ARHGAP44: variants seen among roughly 807,000 people sequenced by gnomAD.
ARHGAP44 encodes Rho GTPase activating protein 44.
A neutral mutation model predicts 106.8 loss-of-function variants in ARHGAP44; 43 were observed. That is an observed-to-expected ratio of 0.40 (90% confidence interval 0.32 to 0.52). The LOEUF (loss-of-function observed/expected upper bound fraction) is 0.52. Ranked by LOEUF, ARHGAP44 falls within the 20% of genes least tolerant of loss-of-function variation. ARHGAP44 has a pLI of 0.48. For missense variants in ARHGAP44, 866 were observed against 1,050.5 expected (o/e 0.82, Z 2.43); for synonymous variants, 439 against 410.3 (o/e 1.07, Z -0.85).
chr17:12,975,776 T>A (rs56873939), intron 18 of ARHGAP44, among the ~76,000 whole-genome samples: 1 of 118,364 alleles, frequency 8.4e-6, no homozygotes, highest in Non-Finnish European at 1.6e-5. Context: ...CCAGCCTGGG[T>A]GACAGCGTGA....
chr17:12,973,712 C>T (rs1057047332), intron 17 of ARHGAP44: 2 of 481,730 alleles, frequency 4.2e-6, no homozygotes, highest in Non-Finnish European at 7.4e-6. Context: ...CCTGCCCCCC[C>T]AGTTAGGCCA....
At chr17:12,841,620 ACACACACACACACACAC>A (rs1384882662) in intron 1 of ARHGAP44, among the ~76,000 whole-genome samples, 9 of 145,672 alleles carry the variant, frequency 6.2e-5, no homozygotes, top group Admixed American at 2.0e-4. Flanking sequence ...ACACACACAC[ACACACACACACACACAC>A]ACAAACAAAC....
intron 9 of ARHGAP44, 132 bp from the exon 10 acceptor site, chr17:12,943,937 A>C: frequency 7.7e-7 from 1 of 1,300,056 alleles, no homozygotes; most frequent in Non-Finnish European, 1.0e-6. Flanking sequence ...TTAAAACCAC[A>C]GAATGGAGGC....
chr17:12,888,057 T>A (rs2036933534), intron 1 of ARHGAP44, among the ~76,000 whole-genome samples: 4 of 152,086 alleles, frequency 2.6e-5, no homozygotes. Flanking sequence ...TTCAAAGAAC[T>A]CGCTCTTTGA....
At chr17:12,959,681 C>T (rs569161840) in intron 16 of ARHGAP44, among the ~76,000 whole-genome samples, 3 of 152,328 alleles carry the variant, frequency 2.0e-5, no homozygotes, top group African/African-American at 7.2e-5. Context: ...TCCACGAATA[C>T]CTCTTACAGG....
chr17:12,838,771 A>T (rs188788510), intron 1 of ARHGAP44, among the ~76,000 whole-genome samples: 176 of 152,272 alleles, frequency 1.2e-3, no homozygotes, highest in Admixed American at 0.011. Context: ...TCCTGGGTTC[A>T]AGCGATTCTC....
At chr17:12,806,195 G>GT (rs1224858204) in intron 1 of ARHGAP44, among the ~76,000 whole-genome samples, 1 of 152,148 alleles carries the variant, frequency 6.6e-6, no homozygotes, top group Non-Finnish European at 1.5e-5. Flanking sequence ...GGTAAATGAG[G>GT]TGCTCATGGC....
chr17:12,979,220 A>G (rs2039770945), intron 18 of ARHGAP44, among the ~76,000 whole-genome samples: 1 of 152,202 alleles, frequency 6.6e-6, no homozygotes. Flanking sequence ...AGTAATATCT[A>G]CCATCAGCGT....
At chr17:12,948,628 C>T (rs1462887953) in intron 10 of ARHGAP44, among the ~76,000 whole-genome samples, 1 of 151,978 alleles carries the variant, frequency 6.6e-6, no homozygotes, top group Non-Finnish European at 1.5e-5. Context: ...CAAGATCGGG[C>T]CGCTGCACTC....
rs1210317885 is a variant in ARHGAP44, at chr17:12,958,684, A to G, written c.1343-33A>G. 2 of 1,604,350 alleles carry G rather than the reference A, an allele frequency of 1.2e-6. No homozygotes were observed. The highest frequency in any genetic ancestry group is 1.3e-5 in the African/African-American group (1 of 74,746). ...CCCAGGAAGGGTGTGGCAGACCAAG[A>G]GTTCACATGTACCAATTCTTTCTTC... On this transcript the variant is annotated intron_variant, in intron 15 of 20. Transcript: ENST00000379672. The surrounding 1 kb of genome is among the most constrained non-coding windows in gnomAD (Gnocchi z 4.1).
chr17:12,824,942 C>T (rs2150802463), intron 1 of ARHGAP44, among the ~76,000 whole-genome samples: 1 of 152,034 alleles, frequency 6.6e-6, no homozygotes, highest in African/African-American at 2.4e-5. Flanking sequence ...CAGTTTAGGT[C>T]AAATTCTCTT....
At chr17:12,924,521 C>T (rs1327593699) in intron 6 of ARHGAP44, among the ~76,000 whole-genome samples, 1 of 152,210 alleles carries the variant, frequency 6.6e-6, no homozygotes, top group South Asian at 2.1e-4. Context: ...GACACATACA[C>T]ATTCCATTTC....
intron 3 of ARHGAP44, among the ~76,000 whole-genome samples, chr17:12,903,132 A>T (rs1313236830): frequency 2.6e-3 from 331 of 125,666 alleles, no homozygotes; most frequent in East Asian, 6.1e-3. Context: ...GAGAGGAGAG[A>T]GAGAGAGAGT....
intron 3 of ARHGAP44, among the ~76,000 whole-genome samples, chr17:12,898,161 T>G (rs1380572136): frequency 6.6e-6 from 1 of 152,048 alleles, no homozygotes; most frequent in Non-Finnish European, 1.5e-5. Flanking sequence ...GAGCCTTTGT[T>G]GTGGTGTCTG....
intron 1 of ARHGAP44, among the ~76,000 whole-genome samples, chr17:12,792,102 C>G (rs1419567490): frequency 6.6e-6 from 1 of 152,176 alleles, no homozygotes; most frequent in Non-Finnish European, 1.5e-5. Flanking sequence ...TGTGGCCTTT[C>G]TTGCCCCAAA....
At chr17:12,871,091 G>C (rs537185496) in intron 1 of ARHGAP44, among the ~76,000 whole-genome samples, 9 of 152,104 alleles carry the variant, frequency 5.9e-5, no homozygotes, top group African/African-American at 2.2e-4. Flanking sequence ...TCTATGCCTT[G>C]TCCATAAGTT....
intron 1 of ARHGAP44, among the ~76,000 whole-genome samples, chr17:12,802,944 TATATATATATATA>T (rs2034145167): frequency 1.1e-3 from 18 of 16,402 alleles, no homozygotes; most frequent in Non-Finnish European, 2.0e-3. Context: ...TATATATATA[TATATATATATATA>T]TATATATATA....
chr17:12,931,368 G>T (rs2038394578), intron 7 of ARHGAP44, among the ~76,000 whole-genome samples: 1 of 151,866 alleles, frequency 6.6e-6, no homozygotes, highest in African/African-American at 2.4e-5. Flanking sequence ...TACCACGCCC[G>T]GCCTATATGT....
At chr17:12,973,819 G>A in intron 17 of ARHGAP44, 1 of 567,740 alleles carries the variant, frequency 1.8e-6, no homozygotes, top group African/African-American at 1.9e-5. Context: ...CACAGCTTGT[G>A]GCCGCCAGCG....
Sources: gnomAD v4.1 joint callset for allele counts (sites outside exome capture counted in the v4.1 genomes callset) on GRCh38, gnomAD v4.1.1 for gene constraint, Gnocchi (gnomAD v3.1) non-coding constraint, MANE v1.5 for transcripts, NCBI Gene and HGNC (gene_info 2026-07-23, HGNC 2026-07-21) for gene names.